Variants in ABCA13 observed in about 807,000 individuals in gnomAD.
ABCA13 encodes the protein ATP binding cassette subfamily A member 13, also known as ATP-binding cassette sub-family A member 13.
In ABCA13, 476 loss-of-function variants were observed where a neutral mutation model predicts 478.7. The observed-to-expected ratio is 0.99, with a 90% CI of 0.92 to 1.07. The LOEUF (loss-of-function observed/expected upper bound fraction) is 1.07, where lower values mean the gene tolerates loss of function less well. Among genes scored for constraint, ABCA13 ranks in the 50% least tolerant of loss-of-function variants. The pLI is 0.00. For missense variants in ABCA13, 6,060 were observed against 5,910.6 expected (o/e 1.03, Z -0.83); for synonymous variants, 2,252 against 2,158.9 (o/e 1.04, Z -1.20).
chr7:48,523,142 A>G lies in ABCA13; in HGVS notation c.14052-1106A>G. 1.3e-5 allele frequency among the ~76,000 whole-genome samples: 2 copies of G among 152,214 alleles called. 1 individual carries two copies. The highest frequency in any genetic ancestry group is 1.3e-4 in the Admixed American group (2 of 15,278). ...AATAGCTGCACCCTAGGTAACTGCA[A>G]TCCTTATTTTTATTTTTATTGATTC... On this transcript the variant is annotated intron_variant, in intron 53 of 61. Transcript: ENST00000435803.
chr7:48,421,720 T>C (rs916240337), intron 41 of ABCA13, among the ~76,000 whole-genome samples: 2 of 152,222 alleles, frequency 1.3e-5, no homozygotes, highest in African/African-American at 4.8e-5. Context: ...GGTTCCCTCA[T>C]GGATAAAGTA....
At chr7:48,623,992 G>C (rs1251075133) in intron 59 of ABCA13, among the ~76,000 whole-genome samples, 1 of 151,832 alleles carries the variant, frequency 6.6e-6, no homozygotes, top group African/African-American at 2.4e-5. Flanking sequence ...ATTTAAGATT[G>C]TCATATGCTA....
intron 58 of ABCA13, among the ~76,000 whole-genome samples, chr7:48,598,588 C>T (rs1790540536): frequency 6.6e-6 from 1 of 152,094 alleles, no homozygotes; most frequent in Admixed American, 6.5e-5. Flanking sequence ...GAATAGAAGT[C>T]CCTTGCTGGA....
At chr7:48,402,826 A>G (rs1056436413) in intron 38 of ABCA13, among the ~76,000 whole-genome samples, 59 of 152,326 alleles carry the variant, frequency 3.9e-4, no homozygotes, top group African/African-American at 1.4e-3. Context: ...GCTGCTGGCT[A>G]TCAGGAAGGT....
intron 47 of ABCA13, among the ~76,000 whole-genome samples, chr7:48,486,021 A>G (rs973756113): frequency 6.6e-6 from 1 of 152,198 alleles, no homozygotes; most frequent in Non-Finnish European, 1.5e-5. Flanking sequence ...TTTACATTTT[A>G]CATGTATTCC....
At chr7:48,252,785 T>TCCTC (rs1349720220) in intron 15 of ABCA13, among the ~76,000 whole-genome samples, 4 of 152,330 alleles carry the variant, frequency 2.6e-5, no homozygotes, top group African/African-American at 9.6e-5. Flanking sequence ...ATCAAGTAAG[T>TCCTC]CAGAGGCCTG....
chr7:48,587,724 T>G (rs1304912894), intron 57 of ABCA13, among the ~76,000 whole-genome samples: 1 of 151,970 alleles, frequency 6.6e-6, no homozygotes, highest in African/African-American at 2.4e-5. Flanking sequence ...ATGTTGAGAG[T>G]AGGGAAGAAA....
intron 23 of ABCA13, among the ~76,000 whole-genome samples, chr7:48,300,902 C>G (rs900959882): frequency 1.3e-5 from 2 of 152,174 alleles, no homozygotes; most frequent in Non-Finnish European, 2.9e-5. Context: ...ATGCTGTGTT[C>G]CTATGTTTTA....
chr7:48,409,257 A>G (rs1002392961), intron 39 of ABCA13, among the ~76,000 whole-genome samples: 1 of 152,210 alleles, frequency 6.6e-6, no homozygotes, highest in Non-Finnish European at 1.5e-5. Context: ...AAAAGCAGCA[A>G]CATCTTTTTA....
intron 59 of ABCA13, among the ~76,000 whole-genome samples, chr7:48,637,425 A>C (rs6976521): frequency 0.11 from 15,324 of 143,728 alleles, 743 homozygotes; most frequent in African/African-American, 0.18. Context: ...GAAAGAAAAG[A>C]AAATCAGAAG....
In ABCA13 at chr7:48,372,492, T is replaced by C; in HGVS notation, c.11128T>C (p.Phe3710Leu). 1 of 1,544,808 alleles carries C rather than the reference T, an allele frequency of 6.5e-7. No individual in the cohort carries two copies. Among genetic ancestry groups the C allele is most frequent in the Non-Finnish European group, 8.7e-7 (1 of 1,144,348 alleles). Residue 3710 changes from phenylalanine to leucine, a missense_variant, in exon 33 of 62, where the codon TTT becomes CTT. Phe to Leu is a conservative substitution (Grantham distance 22). This residue lies in a region of ABCA13 where 4,423 missense variants were observed against 4,309.1 expected (regional missense o/e 1.03). Coordinates refer to ENST00000435803, the MANE Select transcript of ABCA13 (RefSeq NM_152701.5). The stretch of plus-strand genomic sequence containing the variant: ...CCAATTAAGTTTTGTTAATCAGACA[T>C]TTCTGGTAAGTAAGTTGTTTTGTAA... ...HNQLSFVNQT[F>L]LCLLSTTAFG...
chr7:48,563,612 A>G (rs1786686672), intron 55 of ABCA13, among the ~76,000 whole-genome samples: 1 of 152,174 alleles, frequency 6.6e-6, no homozygotes, highest in Admixed American at 6.6e-5. Flanking sequence ...ACCAAGTCTC[A>G]TAGAGGAAGG....
chr7:48,176,499 A>G (rs1794899656), intron 1 of ABCA13, among the ~76,000 whole-genome samples: 3 of 152,284 alleles, frequency 2.0e-5, no homozygotes, highest in Middle Eastern at 3.4e-3. Flanking sequence ...TACATAAAGC[A>G]CCGCATTCTT....
chr7:48,352,478 C>T lies in ABCA13; in HGVS notation c.10679C>T (p.Thr3560Ile). The T allele has an allele frequency of 6.2e-7, 1 of 1,602,656 alleles. No individual in the cohort carries two copies. Among genetic ancestry groups the T allele is most frequent in the East Asian group, 2.2e-5 (1 of 44,570 alleles). Residue 3560 changes from threonine (T) to isoleucine (I), a missense_variant, in exon 31 of 62, where the codon ACC becomes ATC. Physicochemically the swap from Thr to Ile is moderately conservative, Grantham distance 89. Around this residue, in one of 3 missense-constraint regions of ABCA13, gnomAD observed 4,423 missense variants for 4,309.1 expected, o/e 1.03. Coordinates refer to ENST00000435803, the MANE Select transcript of ABCA13 (RefSeq NM_152701.5). ...CAGGCGGCCCCTTACCCCTGCCATA[C>T]CAGCGACCTGTGAGTAGCCTGGGGC... ...QTQAAPYPCH[T>I]SDLFLNNVGF...
At chr7:48,442,028 CTG>C (rs1323957202) in intron 42 of ABCA13, among the ~76,000 whole-genome samples, 3 of 152,136 alleles carry the variant, frequency 2.0e-5, no homozygotes, top group African/African-American at 4.8e-5. Flanking sequence ...AGAGGAGAGA[CTG>C]TGTAAACAGA....
At chr7:48,419,760 G>A (rs1820494042) in intron 41 of ABCA13, among the ~76,000 whole-genome samples, 1 of 152,108 alleles carries the variant, frequency 6.6e-6, no homozygotes, top group Admixed American at 6.6e-5. Context: ...AATAAATATT[G>A]ATTTACTAGA....
chr7:48,317,266 C>T lies in ABCA13; in HGVS notation c.9969C>T (p.Asn3323=), dbSNP rs1370057054. 1.2e-6 allele frequency: 2 copies of T among 1,613,526 alleles called. No individual in the cohort carries two copies. The highest frequency in any genetic ancestry group is 2.2e-5 in the East Asian group (1 of 44,852). The change falls in exon 27 of 62, where the codon AAC becomes AAT. Residue 3323 remains asparagine, a synonymous_variant. Transcript: ENST00000435803. The stretch of plus-strand genomic sequence containing the variant: ...ATGGAAAAATACTATACACACCAAA[C>T]ACTCCAGAAATTAACAAGGTCATTC... The part of the protein sequence containing the change: ...ILHGKILYTP[N]TPEINKVIQK...
intron 57 of ABCA13, among the ~76,000 whole-genome samples, chr7:48,593,655 A>G (rs1458447140): frequency 6.6e-6 from 1 of 150,698 alleles, no homozygotes; most frequent in Non-Finnish European, 1.5e-5. Flanking sequence ...TGTTTTGAAG[A>G]ACCCCTTTAG....
chr7:48,367,309 T>G (rs1195023045), intron 31 of ABCA13, among the ~76,000 whole-genome samples: 3 of 152,152 alleles, frequency 2.0e-5, no homozygotes. Flanking sequence ...TCATTTCAAG[T>G]GTATATTAGA....
Sources: allele counts gnomAD v4.1 joint callset (sites outside exome capture counted in the v4.1 genomes callset), GRCh38; gene constraint gnomAD v4.1.1; regional missense constraint gnomAD v4.1.1; transcripts MANE v1.5; gene names NCBI Gene and HGNC (gene_info 2026-07-23, HGNC 2026-07-21).